The following RFX8 variants were observed in gnomAD, a reference collection of about 807,000 sequenced individuals.
The protein encoded by RFX8 is regulatory factor X8.
In RFX8, 46 loss-of-function variants were observed where a neutral mutation model predicts 54.6. That is an observed-to-expected ratio of 0.84 (90% CI 0.67 to 1.08). The LOEUF (loss-of-function observed/expected upper bound fraction) is 1.08, where lower values mean the gene tolerates loss of function less well. Ranked by LOEUF, RFX8 falls within the 50% of genes least tolerant of loss-of-function variation. The probability of loss-of-function intolerance (pLI) is 0.00; values close to 1 mark genes in which losing one functional copy is unlikely to be tolerated. For missense variants in RFX8, 536 were observed against 562.3 expected (o/e 0.95, Z 0.47); for synonymous variants, 192 against 209.5 (o/e 0.92, Z 0.72).
chr2:101,435,664 A>G (rs946160456), intron 2 of RFX8, among the ~76,000 whole-genome samples: 1 of 152,184 alleles, frequency 6.6e-6, no homozygotes, highest in Non-Finnish European at 1.5e-5. Flanking sequence ...TGAGTCAGCA[A>G]TTATACCCAG....
Position 101,397,579 on chromosome 2 carries a change from A to G in RFX8, c.1391T>C (p.Ile464Thr). 6.5e-7 allele frequency: 1 copy of G among 1,548,114 alleles called. No homozygotes were observed. The highest frequency in any genetic ancestry group is 8.7e-7 in the Non-Finnish European group (1 of 1,145,226). Residue 464 changes from isoleucine to threonine, a missense_variant, in exon 12 of 12, where the codon ATT becomes ACT. Transcript: ENST00000428343. ...ISDVPQSSEDIYFRENNANV is the reference protein window; with the variant it reads ...ISDVPQSSEDTYFRENNANV ...ATTAGCATTGTTTTCTCTGAAATAA[A>G]TATCTTCAGAGCTTTGGGGTACATC... is the stretch of plus-strand genomic sequence containing the variant.
At chr2:101,406,339 A>AT (rs199815275) in intron 9 of RFX8, among the ~76,000 whole-genome samples, 386 of 146,448 alleles carry the variant, frequency 2.6e-3, no homozygotes, top group African/African-American at 7.8e-3. Flanking sequence ...AAAAAAGCAA[A>AT]TTTTTTTTTT....
chr2:101,449,183 G>T (rs533259163), intron 2 of RFX8, among the ~76,000 whole-genome samples: 1 of 61,686 alleles, frequency 1.6e-5, no homozygotes, highest in African/African-American at 4.1e-5. Flanking sequence ...GGAGAAATAG[G>T]CAACACACGG....
At chr2:101,412,511 G>A (rs968215178) in intron 8 of RFX8, among the ~76,000 whole-genome samples, 4 of 152,186 alleles carry the variant, frequency 2.6e-5, no homozygotes, top group African/African-American at 4.8e-5. Flanking sequence ...ATGTGTCGAC[G>A]CAGACATCTA....
intron 2 of RFX8, among the ~76,000 whole-genome samples, chr2:101,434,174 A>G (rs891356964): frequency 6.6e-6 from 1 of 152,244 alleles, no homozygotes; most frequent in African/African-American, 2.4e-5. Context: ...CTGACTTCAG[A>G]GTAGAATATT....
chr2:101,460,323 CG>C (rs1689198432), intron 2 of RFX8, among the ~76,000 whole-genome samples: 1 of 152,090 alleles, frequency 6.6e-6, no homozygotes, highest in South Asian at 2.1e-4. Flanking sequence ...TGTCTTTCTG[CG>C]TCGATCTCAC....
chr2:101,414,991 G>T, intron 6 of RFX8, 79 bp from the exon 7 acceptor site: 1 of 1,142,498 alleles, frequency 8.8e-7, no homozygotes. Context: ...GAAGGTGCAT[G>T]TTTGGGGTAG....
rs561167999 is a variant in RFX8 at position 101,414,876 on chromosome 2, G to C, written c.539C>G (p.Thr180Arg). ...TACCTTAGCCATGTTGGAAAGGTAC[G>C]TCTTTCTTCTTAGTCTTTTGACAAA... ...TLFVKRLRRK[T>R]YLSNMAKTMR... is the part of the protein sequence containing the mutation. Residue 180 changes from threonine (T) to arginine (R), a missense_variant, in exon 7 of 12, where the codon ACG (threonine) becomes AGG (arginine). Thr to Arg is a moderately conservative substitution (Grantham distance 71). Transcript: ENST00000428343. The C allele has an allele frequency of 6.4e-7, 1 of 1,550,442 alleles. No homozygotes were observed. Among genetic ancestry groups the C allele is most frequent in the African/African-American group, 1.4e-5 (1 of 73,000 alleles).
chr2:101,413,521 C>G (rs1206468967), intron 7 of RFX8, among the ~76,000 whole-genome samples: 1 of 152,182 alleles, frequency 6.6e-6, no homozygotes, highest in Non-Finnish European at 1.5e-5. Context: ...ATATCCTCAG[C>G]TGTCAAATGG....
intron 2 of RFX8, among the ~76,000 whole-genome samples, chr2:101,438,192 T>C (rs1687890313): frequency 1.7e-5 from 2 of 118,752 alleles, no homozygotes; most frequent in East Asian, 2.2e-4. Flanking sequence ...TTACAAACAA[T>C]ACCATTATAC....
intron 2 of RFX8, among the ~76,000 whole-genome samples, chr2:101,425,081 T>C (rs370070143): frequency 6.6e-6 from 1 of 151,598 alleles, no homozygotes; most frequent in African/African-American, 2.4e-5. Flanking sequence ...TGGGTATGGG[T>C]GATGCTCACG....
At chr2:101,419,727 C>G (rs1372870635) in intron 4 of RFX8, among the ~76,000 whole-genome samples, 1 of 152,230 alleles carries the variant, frequency 6.6e-6, no homozygotes, top group Non-Finnish European at 1.5e-5. Flanking sequence ...CCTAGGTCAT[C>G]ATGGAAGTTA....
chr2:101,403,817 A>T (rs976244496), intron 10 of RFX8, among the ~76,000 whole-genome samples: 1 of 152,182 alleles, frequency 6.6e-6, no homozygotes, highest in Non-Finnish European at 1.5e-5. Context: ...GACATATCAA[A>T]GGTTTTATTT....
At chr2:101,443,092 A>G (rs1573442001) in intron 2 of RFX8, among the ~76,000 whole-genome samples, 2 of 152,306 alleles carry the variant, frequency 1.3e-5, no homozygotes, top group East Asian at 3.9e-4. Context: ...AGGAAGAATG[A>G]ATCTACCTGG....
chr2:101,404,919 T>C (rs1288094632), intron 10 of RFX8, among the ~76,000 whole-genome samples: 1 of 152,196 alleles, frequency 6.6e-6, no homozygotes, highest in African/African-American at 2.4e-5. Context: ...TGGTCTAGAA[T>C]AGGGCTTGCT....
chr2:101,438,633 G>GTT (rs1687915077), intron 2 of RFX8, among the ~76,000 whole-genome samples: 1 of 152,204 alleles, frequency 6.6e-6, no homozygotes, highest in African/African-American at 2.4e-5. Flanking sequence ...TAAATTGTAT[G>GTT]TTTGGTTTAA....
intron 2 of RFX8, 40 bp downstream of exon 2, chr2:101,466,737 C>T (rs1162280496): frequency 7.2e-7 from 1 of 1,385,908 alleles, no homozygotes; most frequent in Non-Finnish European, 1.0e-6. Context: ...CCCTTTTTTG[C>T]ACTCAGTGAA....
chr2:101,469,665 A>G (rs1689867293), intron 1 of RFX8, among the ~76,000 whole-genome samples: 1 of 152,132 alleles, frequency 6.6e-6, no homozygotes, highest in Non-Finnish European at 1.5e-5. Flanking sequence ...ACTCCTTAAA[A>G]TGAACTCTAG....
intron 9 of RFX8, among the ~76,000 whole-genome samples, chr2:101,406,965 C>T (rs1685772840): frequency 6.6e-6 from 1 of 152,202 alleles, no homozygotes; most frequent in South Asian, 2.1e-4. Flanking sequence ...CAATAAGATG[C>T]TGCTGCATGC....
Sources: allele counts gnomAD v4.1 joint callset (sites outside exome capture counted in the v4.1 genomes callset), GRCh38; gene constraint gnomAD v4.1.1; transcripts MANE v1.5; gene names NCBI Gene and HGNC (gene_info 2026-07-23, HGNC 2026-07-21).